NEBL: variants seen among roughly 807,000 people sequenced by gnomAD.
The protein encoded by NEBL is nebulette, also known as LIM and SH3 protein 2.
Under a neutral mutation model 140.2 loss-of-function variants are expected in NEBL, and 122 were observed. That is an observed-to-expected ratio of 0.87 (90% confidence interval 0.75 to 1.01). The LOEUF (loss-of-function observed/expected upper bound fraction) is 1.01. NEBL is among the 50% of genes least tolerant of loss of function. The probability of loss-of-function intolerance (pLI) is 0.00; values close to 1 mark genes in which losing one functional copy is unlikely to be tolerated. For missense variants in NEBL, 1,365 were observed against 1,231.3 expected (o/e 1.11, Z -1.62); for synonymous variants, 436 against 398.9 (o/e 1.09, Z -1.11).
intron 2 of NEBL, among the ~76,000 whole-genome samples, chr10:21,072,324 A>G (rs1439084499): frequency 6.6e-6 from 1 of 152,156 alleles, no homozygotes; most frequent in African/African-American, 2.4e-5. Context: ...GGGCCCACCC[A>G]AAGCCAGCAC....
Position 21,117,254 on chromosome 10 carries a change from C to A in NEBL, c.164+55129G>T, listed in dbSNP as rs541707495. 5.9e-3 allele frequency among the ~76,000 whole-genome samples: 888 copies of A among 151,470 alleles called. 9 individuals carry two copies. The highest frequency in any genetic ancestry group is 0.02 in the African/African-American group (820 of 41,310). ...CTGGGTGATAGGGGAAAAAAAAAAA[C>A]AAACTATTGAGCTCCTGGATGACTG... On this transcript the variant is annotated intron_variant, in intron 2 of 6. Coordinates refer to the NEBL transcript ENST00000417816.
chr10:20,937,501 T>G (rs182518263), intron 4 of NEBL, among the ~76,000 whole-genome samples: 1 of 152,214 alleles, frequency 6.6e-6, no homozygotes, highest in East Asian at 1.9e-4. Flanking sequence ...AGTCTACAGC[T>G]CCCAGTGTGA....
intron 10 of NEBL, among the ~76,000 whole-genome samples, chr10:20,852,221 A>T (rs1271282875): frequency 6.6e-6 from 1 of 152,210 alleles, no homozygotes; most frequent in African/African-American, 2.4e-5. Flanking sequence ...CAAAATGACA[A>T]ATCAAGACAC....
chr10:21,272,261 G>A (rs535520160), intron 1 of NEBL, among the ~76,000 whole-genome samples: 9 of 149,284 alleles, frequency 6.0e-5, no homozygotes, highest in African/African-American at 1.5e-4. Flanking sequence ...CACCGCACCC[G>A]GCAAATATAA....
At chr10:20,967,700 G>A (rs892978329) in intron 3 of NEBL, among the ~76,000 whole-genome samples, 2 of 151,800 alleles carry the variant, frequency 1.3e-5, no homozygotes, top group Non-Finnish European at 1.5e-5. Flanking sequence ...TCAGGGGAGT[G>A]GTGACAAGAC....
intron 4 of NEBL, among the ~76,000 whole-genome samples, chr10:20,927,848 T>A (rs566591876): frequency 6.6e-6 from 1 of 152,130 alleles, no homozygotes; most frequent in South Asian, 2.1e-4. Flanking sequence ...AAGATATGAC[T>A]TACTCCTAGA....
chr10:20,875,615 A>G (rs1166767892), intron 5 of NEBL, among the ~76,000 whole-genome samples: 6 of 152,198 alleles, frequency 3.9e-5, no homozygotes, highest in Admixed American at 3.3e-4. Context: ...AGAGAAAAGC[A>G]AAACCTCCAC....
chr10:20,818,550 C>A (rs1272052124), intron 20 of NEBL, among the ~76,000 whole-genome samples: 1 of 152,168 alleles, frequency 6.6e-6, no homozygotes, highest in African/African-American at 2.4e-5. Flanking sequence ...CTTAGAATGC[C>A]AGTCAAGCCA....
intron 4 of NEBL, among the ~76,000 whole-genome samples, chr10:20,927,799 T>C (rs1435015361): frequency 6.6e-6 from 1 of 152,156 alleles, no homozygotes; most frequent in Non-Finnish European, 1.5e-5. Flanking sequence ...ATAAACTCTC[T>C]GAGGCTATGT....
intron 3 of NEBL, among the ~76,000 whole-genome samples, chr10:21,229,508 C>G (rs193005993): frequency 7.0e-4 from 106 of 152,308 alleles, no homozygotes; most frequent in African/African-American, 2.5e-3. Flanking sequence ...AGTCATTTCT[C>G]TGAATCTCAG....
At chr10:20,962,494 A>G (rs976033696) in intron 3 of NEBL, among the ~76,000 whole-genome samples, 7 of 152,234 alleles carry the variant, frequency 4.6e-5, no homozygotes, top group African/African-American at 1.7e-4. Context: ...TTTTTTCAGT[A>G]TTTAAATATA....
rs1007663035 is a variant in NEBL at position 20,785,413 on chromosome 10, A to G, written c.*334T>C. 9.1e-6 allele frequency: 3 copies of G among 331,202 alleles called. No individual in the cohort carries two copies. The highest frequency in any genetic ancestry group is 6.4e-5 in the African/African-American group (3 of 46,974). The allele number at this position is 331,202 out of a possible 1,614,324, so 20.5% of individuals were successfully genotyped here. A position where few individuals can be genotyped will look rare whatever the true frequency, so the allele number is the denominator to read the frequency against. On this transcript the variant is annotated 3_prime_UTR_variant, in exon 28 of 28. Coordinates refer to ENST00000377122, the MANE Select transcript of NEBL (RefSeq NM_006393.3). Reference sequence around the variant, plus strand: ...GTGACAGCTAAGAAGTTTCAAACACACACTACATTTAAGGGACAATCAACT... The same window carrying G: ...GTGACAGCTAAGAAGTTTCAAACACGCACTACATTTAAGGGACAATCAACT...
Position 20,787,309 on chromosome 10 carries a change from C to T in NEBL, c.2762-1G>A. ...TGATAGGCTCCGGGAAGAACAGGTG[C>T]TGCATGTTAAACATACACACACACA... On this transcript the variant is annotated splice_acceptor_variant, in intron 26 of 27. Transcript: ENST00000377122. LOFTEE classifies it high-confidence loss of function. The T allele has an allele frequency of 6.2e-7, 1 of 1,609,076 alleles. No homozygotes were observed. Among genetic ancestry groups the T allele is most frequent in the Non-Finnish European group, 8.5e-7 (1 of 1,176,214 alleles).
intron 2 of NEBL, among the ~76,000 whole-genome samples, chr10:21,066,257 C>T (rs948772452): frequency 1.3e-5 from 2 of 151,906 alleles, no homozygotes; most frequent in Non-Finnish European, 2.9e-5. Context: ...TTTACAGACC[C>T]GACATAGGAT....
intron 4 of NEBL, among the ~76,000 whole-genome samples, chr10:20,923,247 T>C: frequency 6.6e-6 from 1 of 152,040 alleles, no homozygotes; most frequent in Non-Finnish European, 1.5e-5. Flanking sequence ...TTTGTATTTC[T>C]TGTAGAGATG....
intron 2 of NEBL, among the ~76,000 whole-genome samples, chr10:21,167,604 C>T (rs1420143116): frequency 6.6e-6 from 1 of 151,988 alleles, no homozygotes; most frequent in South Asian, 2.1e-4. Context: ...TTTTAAGAAC[C>T]GACGTATATT....
chr10:20,884,399 G>A (rs1336712948), intron 4 of NEBL, among the ~76,000 whole-genome samples: 1 of 152,084 alleles, frequency 6.6e-6, no homozygotes, highest in Non-Finnish European at 1.5e-5. Flanking sequence ...GAAATTGGGG[G>A]TTTCACAGAT....
intron 3 of NEBL, among the ~76,000 whole-genome samples, chr10:20,976,630 C>T (rs200735943): frequency 6.6e-6 from 1 of 152,046 alleles, no homozygotes; most frequent in African/African-American, 2.4e-5. Flanking sequence ...CCACATGGAT[C>T]GAGCTAGAGG....
At chr10:21,044,195 G>T (rs541853019) in intron 2 of NEBL, among the ~76,000 whole-genome samples, 13 of 151,974 alleles carry the variant, frequency 8.6e-5, no homozygotes, top group Non-Finnish European at 4.4e-5. Context: ...TCAGGAGTTC[G>T]AGACCAGCCT....
Sources: gnomAD v4.1 joint callset for allele counts (sites outside exome capture counted in the v4.1 genomes callset) on GRCh38, gnomAD v4.1.1 for gene constraint, MANE v1.5 for transcripts, NCBI Gene and HGNC (gene_info 2026-07-23, HGNC 2026-07-21) for gene names.